The following CASZ1 variants were observed in gnomAD, a reference collection of about 807,000 sequenced individuals.
CASZ1 encodes the protein zinc finger protein castor homolog 1.
A neutral mutation model predicts 135.2 loss-of-function variants in CASZ1; 28 were observed. The observed-to-expected ratio is 0.21, with a 90% CI of 0.15 to 0.28. The LOEUF is 0.28. CASZ1 is among the 10% of genes least tolerant of loss of function. The pLI, the probability that CASZ1 is intolerant of heterozygous loss-of-function variation, is 1.00. For synonymous variants in CASZ1, 1,068 were observed against 1,073.4 expected, an observed-to-expected ratio of 0.99 and a Z score of 0.10; for missense variants, 2,161 against 2,453.3, an observed-to-expected ratio of 0.88 and a Z score of 2.52.
At chr1:10,763,058 G>A (rs1174059305) in intron 1 of CASZ1, among the ~76,000 whole-genome samples, 1 of 152,200 alleles carries the variant, frequency 6.6e-6, no homozygotes, top group African/African-American at 2.4e-5. Flanking sequence ...CATCCTCCAA[G>A]CCTGCCAGGG....
chr1:10,640,092 G>A (rs528434079), intron 20 of CASZ1, 33 bp from the exon 21 acceptor site: 4 of 1,577,170 alleles, frequency 2.5e-6, no homozygotes, highest in East Asian at 4.5e-5. Flanking sequence ...GTGCAGAAGA[G>A]GGACCCACGT....
At chr1:10,696,414 C>A (rs1638935992) in intron 3 of CASZ1, among the ~76,000 whole-genome samples, 1 of 152,262 alleles carries the variant, frequency 6.6e-6, no homozygotes, top group Non-Finnish European at 1.5e-5. Context: ...CAAGTCTAAG[C>A]CTGGGAGTAT....
At chr1:10,710,458 C>A (rs1290380794) in intron 2 of CASZ1, among the ~76,000 whole-genome samples, 1 of 152,206 alleles carries the variant, frequency 6.6e-6, no homozygotes, top group Non-Finnish European at 1.5e-5. Flanking sequence ...CCCCTAGTCT[C>A]CCCAGGAGGA....
chr1:10,722,013 G>T (rs1639505603), intron 2 of CASZ1, among the ~76,000 whole-genome samples: 1 of 152,258 alleles, frequency 6.6e-6, no homozygotes, highest in Non-Finnish European at 1.5e-5. Flanking sequence ...GCACAGCAGA[G>T]CATCTGCTCG....
chr1:10,754,035 C>G (rs557775439), intron 2 of CASZ1, among the ~76,000 whole-genome samples: 1 of 152,266 alleles, frequency 6.6e-6, no homozygotes, highest in South Asian at 2.1e-4. Flanking sequence ...CCTTGCTTCT[C>G]CAACACGCCT....
intron 3 of CASZ1, among the ~76,000 whole-genome samples, chr1:10,702,571 C>T (rs1293702448): frequency 6.6e-6 from 1 of 152,142 alleles, no homozygotes; most frequent in African/African-American, 2.4e-5. Context: ...ATCACGAAGA[C>T]CAGAGGCCTG....
intron 2 of CASZ1, among the ~76,000 whole-genome samples, chr1:10,730,574 T>G (rs1002049400): frequency 6.6e-6 from 1 of 152,086 alleles, no homozygotes; most frequent in Non-Finnish European, 1.5e-5. Flanking sequence ...ACAGACAAAT[T>G]GTGATTTTTC....
At chr1:10,714,374 C>T (rs956721359) in intron 2 of CASZ1, among the ~76,000 whole-genome samples, 1 of 152,188 alleles carries the variant, frequency 6.6e-6, no homozygotes. Flanking sequence ...AACTTAAGCT[C>T]CCTGCCCGAG....
intron 2 of CASZ1, among the ~76,000 whole-genome samples, chr1:10,736,349 C>A (rs1000675222): frequency 1.3e-5 from 2 of 152,306 alleles, no homozygotes; most frequent in South Asian, 4.1e-4. Context: ...CAGCAGGCAA[C>A]GAGACGGGAG....
chr1:10,678,051 T>C (rs148200651), intron 4 of CASZ1, among the ~76,000 whole-genome samples: 1 of 152,074 alleles, frequency 6.6e-6, no homozygotes, highest in Non-Finnish European at 1.5e-5. Context: ...TTCCAATGTG[T>C]GTTGATGGGG....
At chr1:10,692,298 C>T (rs189573359) in intron 4 of CASZ1, among the ~76,000 whole-genome samples, 260 of 152,366 alleles carry the variant, frequency 1.7e-3, no homozygotes, top group Middle Eastern at 0.017. Context: ...TGCCTGGGTC[C>T]TGTGTGCTGG....
At chr1:10,736,293 G>A (rs757141195) in intron 2 of CASZ1, among the ~76,000 whole-genome samples, 2 of 152,168 alleles carry the variant, frequency 1.3e-5, no homozygotes, top group Non-Finnish European at 2.9e-5. Context: ...GAACACACAC[G>A]TAACTCTGGG....
At chr1:10,786,322 C>T (rs1032934353) in intron 1 of CASZ1, among the ~76,000 whole-genome samples, 6 of 152,166 alleles carry the variant, frequency 3.9e-5, no homozygotes, top group African/African-American at 1.4e-4. Context: ...CGCATGTGGG[C>T]AGAGTCTTCA....
chr1:10,690,385 C>G (rs1324421353), intron 4 of CASZ1, among the ~76,000 whole-genome samples: 4 of 152,216 alleles, frequency 2.6e-5, no homozygotes, highest in Non-Finnish European at 4.4e-5. Flanking sequence ...AGCTTAGACA[C>G]CGTCTAGAAG....
chr1:10,718,120 C>A (rs1244433710), intron 2 of CASZ1, among the ~76,000 whole-genome samples: 1 of 152,200 alleles, frequency 6.6e-6, no homozygotes, highest in Non-Finnish European at 1.5e-5. Context: ...AGGGGCAGGC[C>A]CAGCTGGGGC....
intron 4 of CASZ1, among the ~76,000 whole-genome samples, chr1:10,688,080 C>T (rs1638651426): frequency 1.3e-5 from 2 of 152,222 alleles, no homozygotes; most frequent in African/African-American, 2.4e-5. Context: ...CGGCCCGTAC[C>T]AGGCCCGGGG....
Position 10,766,783 on chromosome 1 carries a change from C to T in CASZ1, c.-233-5926G>A, listed in dbSNP as rs74330956. On this transcript the variant is annotated intron_variant, in intron 1 of 20. Transcript: ENST00000377022. ...TTAATATATTAATGCATATAACCATCGCAAATTAATATCTATAACCTGCAA... is the reference window on the plus strand; with the variant it reads ...TTAATATATTAATGCATATAACCATTGCAAATTAATATCTATAACCTGCAA... Among the ~76,000 whole-genome samples, 435 of 152,316 alleles carry T rather than the reference C, an allele frequency of 2.9e-3. 3 individuals are homozygous for T. The highest frequency in any genetic ancestry group is 0.01 in the African/African-American group (416 of 41,560).
chr1:10,712,774 C>T (rs1270812319), intron 2 of CASZ1, among the ~76,000 whole-genome samples: 1 of 152,244 alleles, frequency 6.6e-6, no homozygotes, highest in African/African-American at 2.4e-5. Flanking sequence ...GTTCCCGGCA[C>T]ACACACAGCG....
chr1:10,696,253 C>T (rs547248558), intron 3 of CASZ1, among the ~76,000 whole-genome samples: 10 of 152,316 alleles, frequency 6.6e-5, no homozygotes, highest in Admixed American at 3.9e-4. Flanking sequence ...CACTGCCTTC[C>T]TGGCAGTCCC....
Sources: gnomAD v4.1 joint callset for allele counts (sites outside exome capture counted in the v4.1 genomes callset) on GRCh38, gnomAD v4.1.1 for gene constraint, MANE v1.5 for transcripts, NCBI Gene and HGNC (gene_info 2026-07-23, HGNC 2026-07-21) for gene names.